The following GNG2 variants were observed in gnomAD, a reference collection of about 807,000 sequenced individuals.
GNG2 encodes G protein subunit gamma 2.
A neutral mutation model predicts 5.5 loss-of-function variants in GNG2; 5 were observed. That is an observed-to-expected ratio of 0.91 (90% CI 0.48 to 1.92). The LOEUF (loss-of-function observed/expected upper bound fraction) is 1.92, where lower values mean the gene tolerates loss of function less well. GNG2 is among the 30% of genes most tolerant of loss of function. GNG2 has a pLI of 0.01. For synonymous variants in GNG2, 28 were observed against 32.0 expected (o/e 0.88, Z 0.42); for missense variants, 55 against 88.4 (o/e 0.62, Z 1.52).
intron 2 of GNG2, among the ~76,000 whole-genome samples, chr14:51,834,646 T>C (rs1166267337): frequency 3.9e-5 from 6 of 152,218 alleles, no homozygotes; most frequent in African/African-American, 1.4e-4. Context: ...TTGAGATTGC[T>C]AAAGCCATTT....
intron 2 of GNG2, chr14:51,916,504 A>C (rs1450091990): frequency 2.5e-6 from 1 of 404,898 alleles, no homozygotes; most frequent in South Asian, 1.6e-5. Flanking sequence ...CCACGAAAAT[A>C]ATCCTGAAAA....
At chr14:51,841,633 A>C in intron 2 of GNG2, 1 of 682,296 alleles carries the variant, frequency 1.5e-6, no homozygotes, top group Non-Finnish European at 2.7e-6. Context: ...GAAAGAAAAC[A>C]AGCAAGCAAA....
intron 2 of GNG2, among the ~76,000 whole-genome samples, chr14:51,904,611 C>T (rs1342738191): frequency 6.6e-6 from 1 of 152,076 alleles, no homozygotes; most frequent in East Asian, 1.9e-4. Context: ...GTATATATAC[C>T]CCTTTCACTC....
intron 2 of GNG2, among the ~76,000 whole-genome samples, chr14:51,883,356 A>T (rs531824048): frequency 1.1e-3 from 162 of 152,364 alleles, no homozygotes; most frequent in African/African-American, 3.8e-3. Flanking sequence ...CATCATTTTT[A>T]AAAAATACTA....
intron 1 of GNG2, among the ~76,000 whole-genome samples, chr14:51,872,468 A>G (rs1883370988): frequency 1.3e-5 from 2 of 152,150 alleles, no homozygotes; most frequent in Non-Finnish European, 2.9e-5. Flanking sequence ...ACTAGCATAT[A>G]TATGTTTTAT....
At chr14:51,860,220 C>CAA (rs61492742), upstream of GNG2, among the ~76,000 whole-genome samples, 42 of 146,656 alleles carry the variant, frequency 2.9e-4, no homozygotes, top group East Asian at 3.6e-3. Flanking sequence ...GATGTTGACC[C>CAA]AAAAAAAAAC....
At chr14:51,932,080 A>G (rs1448827170) in intron 2 of GNG2, among the ~76,000 whole-genome samples, 1 of 151,902 alleles carries the variant, frequency 6.6e-6, no homozygotes, top group Non-Finnish European at 1.5e-5. Context: ...CCCCGTCTCT[A>G]CTAAAAAATA....
At chr14:51,838,437 C>G (rs1001452171) in intron 2 of GNG2, among the ~76,000 whole-genome samples, 1 of 142,002 alleles carries the variant, frequency 7.0e-6, no homozygotes, top group Non-Finnish European at 1.5e-5. Context: ...GAGCGAGACT[C>G]TGTCTCAAAA....
chr14:51,950,960 T>G (rs1282212389), intron 3 of GNG2, among the ~76,000 whole-genome samples, 195 bp downstream of exon 3: 5 of 152,080 alleles, frequency 3.3e-5, no homozygotes, highest in Admixed American at 1.3e-4. Flanking sequence ...CTTTCCCATG[T>G]AGAATTAAAA....
rs757918989 is a variant in GNG2, at chr14:51,966,603, T to A, written c.132T>A (p.His44Gln). 1 of 1,613,630 alleles carries A rather than the reference T, an allele frequency of 6.2e-7. No homozygotes were observed. Among genetic ancestry groups the A allele is most frequent in the Non-Finnish European group, 8.5e-7 (1 of 1,179,560 alleles). ...AADLMAYCEA[H>Q]AKEDPLLTPV... ...ATTTGATGGCCTACTGTGAAGCACA[T>A]GCCAAGGAAGACCCCCTCCTGACCC... The change falls in exon 4 of 4, where the codon CAT becomes CAA. Residue 44 changes from histidine to glutamine, a missense_variant. His to Gln is a conservative substitution (Grantham distance 24). Transcript: ENST00000556766.
At chr14:51,873,297 A>G (rs1487650237) in intron 1 of GNG2, among the ~76,000 whole-genome samples, 1 of 152,212 alleles carries the variant, frequency 6.6e-6, no homozygotes, top group Non-Finnish European at 1.5e-5. Context: ...TCTGTGAGTC[A>G]TTTTAAAAAA....
At chr14:51,895,227 T>C (rs1183862629) in intron 2 of GNG2, among the ~76,000 whole-genome samples, 1 of 152,076 alleles carries the variant, frequency 6.6e-6, no homozygotes, top group East Asian at 1.9e-4. Context: ...AACTACAGAA[T>C]CAAATAAAAA....
chr14:51,845,470 G>A (rs1881597514), intron 2 of GNG2, among the ~76,000 whole-genome samples: 1 of 152,140 alleles, frequency 6.6e-6, no homozygotes, highest in South Asian at 2.1e-4. Flanking sequence ...CTCCAACCTG[G>A]GTGACAGTGA....
At chr14:51,929,089 G>A (rs991835636) in intron 2 of GNG2, among the ~76,000 whole-genome samples, 15 of 152,184 alleles carry the variant, frequency 9.9e-5, no homozygotes, top group African/African-American at 3.4e-4. Context: ...TGATCTTTGG[G>A]TTTGTAGGAC....
intron 2 of GNG2, among the ~76,000 whole-genome samples, chr14:51,910,525 G>A (rs561256353): frequency 6.4e-4 from 98 of 152,330 alleles, no homozygotes; most frequent in Non-Finnish European, 1.2e-3. Context: ...GGCAGGAAGC[G>A]AGAGATCTCA....
chr14:51,947,564 A>AG (rs549254909), intron 2 of GNG2, among the ~76,000 whole-genome samples: 126 of 152,280 alleles, frequency 8.3e-4, no homozygotes, highest in African/African-American at 2.9e-3. Flanking sequence ...AATGAAAGAA[A>AG]GTGAACTCTC....
intron 2 of GNG2, among the ~76,000 whole-genome samples, chr14:51,924,731 G>C (rs558062882): frequency 4.5e-4 from 68 of 152,220 alleles, no homozygotes; most frequent in Non-Finnish European, 7.9e-4. Flanking sequence ...TTCTGAGCAT[G>C]GTATTTTCCA....
chr14:51,927,861 G>A (rs985883242), intron 2 of GNG2, among the ~76,000 whole-genome samples: 7 of 136,786 alleles, frequency 5.1e-5, no homozygotes, highest in African/African-American at 1.9e-4. Flanking sequence ...CTGGTGGTTT[G>A]TTGTTGTTGT....
At chr14:51,829,337 C>T (rs1027153029) in intron 2 of GNG2, among the ~76,000 whole-genome samples, 2 of 152,202 alleles carry the variant, frequency 1.3e-5, no homozygotes, top group African/African-American at 2.4e-5. Flanking sequence ...TTGGACACAC[C>T]TGCAAGCTAT....
Sources: gnomAD v4.1 joint callset for allele counts (sites outside exome capture counted in the v4.1 genomes callset) on GRCh38, gnomAD v4.1.1 for gene constraint, MANE v1.5 for transcripts, NCBI Gene and HGNC (gene_info 2026-07-23, HGNC 2026-07-21) for gene names.